The following TMPO variants were observed in gnomAD, a reference collection of about 807,000 sequenced individuals.
TMPO encodes LEM domain containing 4.
Under a neutral mutation model 45.4 loss-of-function variants are expected in TMPO, and 22 were observed. That is an observed-to-expected ratio of 0.48 (90% CI 0.35 to 0.69). The LOEUF is 0.69. Among genes scored for constraint, TMPO ranks in the 30% least tolerant of loss-of-function variants. The pLI, the probability that TMPO is intolerant of heterozygous loss-of-function variation, is 0.01. For missense variants in TMPO, 512 were observed against 548.8 expected (o/e 0.93, Z 0.67); for synonymous variants, 241 against 204.1 (o/e 1.18, Z -1.54).
chr12:98,543,898 A>G (rs1387697508), intron 4 of TMPO, among the ~76,000 whole-genome samples: 1 of 152,330 alleles, frequency 6.6e-6, no homozygotes, highest in South Asian at 2.1e-4. Context: ...TTGTTTAGAC[A>G]GAGATGTAGC....
rs977042843 is a variant in TMPO, at chr12:98,534,111, G to A, written c.565+2273G>A. ...GTACCCACCAAGCGCTTGGGATTCT[G>A]AGCAAAACATATGATGCAGCCTCAT... On this transcript the variant is annotated intron_variant, in intron 3 of 8. Coordinates refer to ENST00000556029, the MANE Select transcript of TMPO (RefSeq NM_001032283.3). 4 of 1,613,538 alleles carry A rather than the reference G, an allele frequency of 2.5e-6. No individual in the cohort carries two copies. The highest frequency in any genetic ancestry group is 1.7e-5 in the Admixed American group (1 of 60,008).
chr12:98,521,100 A>ATTTTTTTTTTTTTTTTTTTTTTTTTTTTT lies in TMPO; in HGVS notation c.279+4979_279+4980insTTTTTTTTTTTTTTTTTTTTTTTTTTTTT, dbSNP rs398044704. On this transcript the variant is annotated intron_variant, in intron 1 of 8. Transcript: ENST00000556029. ...CTATTTAATCATGGGTTTATGAGGA[A>ATTTTTTTTTTTTTTTTTTTTTTTTTTTTT]TTTTTTTTTTTTTTTTTTTTTTTTT... Among the ~76,000 whole-genome samples the ATTTTTTTTTTTTTTTTTTTTTTTTTTTTT allele has an allele frequency of 1.2e-4, 9 of 76,756 alleles. 1 individual carries two copies. The highest frequency in any genetic ancestry group is 3.4e-4 in the African/African-American group (6 of 17,790). The allele number at this position is 76,756 out of a possible 152,430, so 50.4% of individuals were successfully genotyped here. A position where few individuals can be genotyped will look rare whatever the true frequency, so the allele number is the denominator to read the frequency against.
intron 3 of TMPO, 115 bp downstream of exon 3, chr12:98,531,953 C>T (rs1375085890): frequency 1.7e-5 from 14 of 811,764 alleles, no homozygotes; most frequent in Admixed American, 2.8e-5. Flanking sequence ...AAATTTTATT[C>T]GTGTCATTAG....
chr12:98,517,015 TGGTCA>T (rs1223261070), intron 1 of TMPO, among the ~76,000 whole-genome samples: 1 of 152,174 alleles, frequency 6.6e-6, no homozygotes, highest in East Asian at 1.9e-4. Context: ...TTCTCCAAGT[TGGTCA>T]GGCTGGTCTC....
At chr12:98,527,329 T>A (rs1876838883) in intron 1 of TMPO, among the ~76,000 whole-genome samples, 3 of 86,668 alleles carry the variant, frequency 3.5e-5, no homozygotes, top group African/African-American at 1.4e-4. Flanking sequence ...AAAAACCCCA[T>A]CTCTACAAAA....
At position 98,528,061 on chromosome 12, in the gene TMPO, C is replaced by T. The variant is rs775313514; in HGVS notation, c.406+49C>T. On this transcript the variant is annotated intron_variant, in intron 2 of 8. Coordinates refer to ENST00000556029, the MANE Select transcript of TMPO (RefSeq NM_001032283.3). ...CAGTATCTTTTCTCTGAAGCAGGAC[C>T]CCAAATTATTTTCTCCTTTTTGTTT... 26 of 1,609,462 alleles carry T rather than the reference C, an allele frequency of 1.6e-5. 1 individual carries two copies. In the South Asian group the frequency reaches 2.1e-4, roughly 13 times the overall value.
chr12:98,544,296 C>T lies in TMPO; in HGVS notation c.730C>T (p.Gln244Ter). The change falls in exon 5 of 9, where the codon CAG (glutamine) becomes TAG (stop). Residue 244 changes from glutamine (Q) to a stop codon, truncating the protein, a stop_gained. Transcript: ENST00000556029. LOFTEE classifies it high-confidence loss of function. ...TGGATCTTCAAAAGGCGGACCTCTG[C>T]AGGCATTAACTAGGGAATCTACAAG... Reference protein sequence around the residue: ...TSGSSKGGPLQALTRESTRGS... With the variant: ...TSGSSKGGPL 1 of 1,613,926 alleles carries T rather than the reference C, an allele frequency of 6.2e-7. No homozygotes were observed.
chr12:98,516,969 C>T (rs1310960956), intron 1 of TMPO, among the ~76,000 whole-genome samples: 2 of 152,144 alleles, frequency 1.3e-5, no homozygotes, highest in African/African-American at 4.8e-5. Flanking sequence ...GCCGCCACGC[C>T]CGGCTGATTT....
In TMPO at chr12:98,516,055, C is replaced by G. The variant is rs768496850; in HGVS notation, c.188C>G (p.Pro63Arg). 2 of 1,610,250 alleles carry G rather than the reference C, an allele frequency of 1.2e-6. No homozygotes were observed. Among genetic ancestry groups the G allele is most frequent in the Admixed American group, 3.3e-5 (2 of 59,894 alleles). Residue 63 changes from proline (P) to arginine (R), a missense_variant, in exon 1 of 9, where the codon CCG (proline) becomes CGG (arginine). Transcript: ENST00000556029. ...LPAGTNSKGP[P>R]DFSSDEEREP... ...GCCGGCACCAACAGCAAGGGGCCCC[C>G]GGACTTCTCCAGTGACGAAGAGCGC...
intron 1 of TMPO, among the ~76,000 whole-genome samples, chr12:98,525,476 C>T (rs950626727): frequency 3.9e-5 from 6 of 152,110 alleles, no homozygotes; most frequent in African/African-American, 1.4e-4. Context: ...TTCCATGGCT[C>T]ACGCCCGTAA....
At position 98,515,988 on chromosome 12, in the gene TMPO, T is replaced by C. The variant is rs1875754849; in HGVS notation, c.121T>C (p.Tyr41His). The change falls in exon 1 of 9, where the codon TAC (tyrosine) becomes CAC (histidine). Residue 41 changes from tyrosine (Y) to histidine (H), a missense_variant. This residue lies in a region of TMPO where 299 missense variants were observed against 296.7 expected (regional missense o/e 1.01). Transcript: ENST00000556029. ...EQRKDVYVQLYLQHLTARNRP... is the reference protein window; with the variant it reads ...EQRKDVYVQLHLQHLTARNRP... Reference sequence around the variant, plus strand: ...GCGCAAAGACGTGTACGTCCAGCTCTACCTGCAGCACCTCACGGCTCGCAA... The same window carrying C: ...GCGCAAAGACGTGTACGTCCAGCTCCACCTGCAGCACCTCACGGCTCGCAA... 1 of 1,612,564 alleles carries C rather than the reference T, an allele frequency of 6.2e-7. No individual in the cohort carries two copies. The highest frequency in any genetic ancestry group is 8.5e-7 in the Non-Finnish European group (1 of 1,179,806).
chr12:98,516,052 C>A lies in TMPO; in HGVS notation c.185C>A (p.Pro62His). The A allele has an allele frequency of 6.2e-7, 1 of 1,610,806 alleles. No individual in the cohort carries two copies. The highest frequency in any genetic ancestry group is 8.5e-7 in the Non-Finnish European group (1 of 1,179,442). Residue 62 changes from proline (P) to histidine (H), a missense_variant, in exon 1 of 9, where the codon CCC (proline) becomes CAC (histidine). By Grantham distance (77) the Pro-to-His change is moderately conservative. This residue lies in a region of TMPO where 299 missense variants were observed against 296.7 expected (regional missense o/e 1.01). Coordinates refer to ENST00000556029, the MANE Select transcript of TMPO (RefSeq NM_001032283.3). ...CCCGCCGGCACCAACAGCAAGGGGC[C>A]CCCGGACTTCTCCAGTGACGAAGAG... ...PLPAGTNSKGPPDFSSDEERE... is the reference protein window; with the variant it reads ...PLPAGTNSKGHPDFSSDEERE...
At chr12:98,538,275 G>A (rs758960955) in intron 4 of TMPO, among the ~76,000 whole-genome samples, 11 of 152,122 alleles carry the variant, frequency 7.2e-5, no homozygotes, top group Non-Finnish European at 1.3e-4. Flanking sequence ...GCTATTCCTA[G>A]AGTCATTTTC....
intron 3 of TMPO, chr12:98,534,703 A>C (rs746099308): frequency 2.9e-5 from 31 of 1,080,840 alleles, no homozygotes; most frequent in African/African-American, 3.4e-5. Flanking sequence ...ATCCTCCTTT[A>C]TACCTAGGAC....
chr12:98,524,629 T>C (rs1289935694), intron 1 of TMPO, among the ~76,000 whole-genome samples: 2 of 151,968 alleles, frequency 1.3e-5, no homozygotes, highest in Non-Finnish European at 2.9e-5. Context: ...AGTCTTGCTC[T>C]ATCGCCCAGG....
chr12:98,534,342 G>T, intron 3 of TMPO: 1 of 1,611,496 alleles, frequency 6.2e-7, no homozygotes, highest in Non-Finnish European at 8.5e-7. Context: ...ATAAACACTA[G>T]TAAAATTAAG....
At position 98,548,409 on chromosome 12, in the gene TMPO, T is replaced by G. The variant is rs1029422044; in HGVS notation, c.*551T>G. 1.9e-4 allele frequency: 29 copies of G among 154,636 alleles called. No homozygotes were observed. Among genetic ancestry groups the G allele is most frequent in the Non-Finnish European group, 1.3e-4 (9 of 69,526 alleles). The allele number at this position is 154,636 out of a possible 1,614,324, so 9.6% of individuals were successfully genotyped here. ...GCAATAATCTCTTCTGTAACCTTTA[T>G]TAATAGTAATGTTGTTGTAGCCCTA... On this transcript the variant is annotated 3_prime_UTR_variant, in exon 9 of 9. Transcript: ENST00000556029.
At chr12:98,542,971 A>G (rs1878009681) in intron 4 of TMPO, among the ~76,000 whole-genome samples, 1 of 152,254 alleles carries the variant, frequency 6.6e-6, no homozygotes. Context: ...TTCCTAATTG[A>G]TAGGATGAGG....
chr12:98,536,386 T>C (rs951308708), intron 3 of TMPO, among the ~76,000 whole-genome samples: 1 of 151,960 alleles, frequency 6.6e-6, no homozygotes, highest in African/African-American at 2.4e-5. Context: ...GAAGTTTCGC[T>C]CTTGTCCCCA....
Sources: allele counts gnomAD v4.1 joint callset (sites outside exome capture counted in the v4.1 genomes callset), GRCh38; gene constraint gnomAD v4.1.1; regional missense constraint gnomAD v4.1.1; transcripts MANE v1.5; gene names NCBI Gene and HGNC (gene_info 2026-07-23, HGNC 2026-07-21).